The following SLC6A3 variants were observed in gnomAD, a reference collection of about 807,000 sequenced individuals.
SLC6A3 encodes sodium-dependent dopamine transporter.
SLC6A3 carries 19 observed loss-of-function variants against 70.4 expected under a neutral mutation model. The observed-to-expected ratio is 0.27, with a 90% CI of 0.19 to 0.40. The LOEUF (loss-of-function observed/expected upper bound fraction) is 0.40, where lower values mean the gene tolerates loss of function less well. SLC6A3 is among the 10% of genes least tolerant of loss of function. The pLI is 1.00. For synonymous variants in SLC6A3, 368 were observed against 356.6 expected (o/e 1.03, Z -0.36); for missense variants, 613 against 838.5 (o/e 0.73, Z 3.32).
Position 1,443,077 on chromosome 5 carries a change from G to A in SLC6A3, c.121C>T (p.Gln41Ter). 1 of 1,614,226 alleles carries A rather than the reference G, an allele frequency of 6.2e-7. No individual in the cohort carries two copies. Among genetic ancestry groups the A allele is most frequent in the Non-Finnish European group, 8.5e-7 (1 of 1,180,032 alleles). ...LILVKEQNGV[Q>*]LTSSTLTNPR... ...TTGGTGAGGGTGGAGCTGGTGAGCT[G>A]CACTCCGTTCTGCTCCTTGACAAGG... Residue 41 changes from glutamine (Q) to a stop codon, truncating the protein, a stop_gained, in exon 2 of 15, where the codon CAG becomes TAG. Transcript: ENST00000270349. LOFTEE classifies it high-confidence loss of function.
At position 1,432,422 on chromosome 5, in the gene SLC6A3, T is replaced by A. The variant is rs371080018; in HGVS notation, c.653+42A>T. ...AAGGGGCTACCATGGGGGACCTGGCTGCGCCATCTCTCCCGTTCCCGAGGA... is the reference window on the plus strand; with the variant it reads ...AAGGGGCTACCATGGGGGACCTGGCAGCGCCATCTCTCCCGTTCCCGAGGA... On this transcript the variant is annotated intron_variant, in intron 4 of 14. Transcript: ENST00000270349. The A allele has an allele frequency of 2.0e-6, 3 of 1,471,630 alleles. No individual in the cohort carries two copies. In the African/African-American group the frequency reaches 4.2e-5, roughly 20 times the overall value. The allele number at this position is 1,471,630 out of a possible 1,614,324, so 91.2% of individuals were successfully genotyped here. A position where few individuals can be genotyped will look rare whatever the true frequency, so the allele number is the denominator to read the frequency against.
At chr5:1,441,610 T>C (rs1324943097) in intron 2 of SLC6A3, 120 bp from the exon 3 acceptor site, 1 of 1,171,474 alleles carries the variant, frequency 8.5e-7, no homozygotes, top group African/African-American at 1.5e-5. Context: ...TTCACCCCAC[T>C]CTCCAACGGG....
At position 1,408,522 on chromosome 5, in the gene SLC6A3, T is replaced by A. The variant is rs932284293; in HGVS notation, c.1498+504A>T. Among the ~76,000 whole-genome samples, 6 of 152,176 alleles carry A rather than the reference T, an allele frequency of 3.9e-5. No homozygotes were observed. Among genetic ancestry groups the A allele is most frequent in the African/African-American group, 1.4e-4 (6 of 41,446 alleles). ...AGCCCTGGCTCCAGGCTGGGTTTTCTGTTGCTGTTTAAACCACTGGTGGAA... is the reference window on the plus strand; with the variant it reads ...AGCCCTGGCTCCAGGCTGGGTTTTCAGTTGCTGTTTAAACCACTGGTGGAA... On this transcript the variant is annotated intron_variant, in intron 11 of 14. Transcript: ENST00000270349. The surrounding 1 kb of genome is among the most constrained non-coding windows in gnomAD (Gnocchi z 6.4).
chr5:1,409,799 C>T lies in SLC6A3; in HGVS notation c.1320G>A (p.Leu440=), dbSNP rs1756070982. 21 of 1,613,324 alleles carry T rather than the reference C, an allele frequency of 1.3e-5. No individual in the cohort carries two copies. The highest frequency in any genetic ancestry group is 1.8e-5 in the Non-Finnish European group (21 of 1,179,978). Residue 440 remains leucine (L), a synonymous_variant, in exon 10 of 15, where the codon CTG becomes CTA. Transcript: ENST00000270349. ...TGAAGAGCTCACGGTGTCTGTGCAG[C>T]AGCTGGAACTCATCGATGAGCCCGG... ...VITGLIDEFQ[L]LHRHRELFTL...
intron 4 of SLC6A3, among the ~76,000 whole-genome samples, chr5:1,424,078 CT>C (rs1248248445): frequency 1.3e-5 from 2 of 152,254 alleles, no homozygotes; most frequent in African/African-American, 4.8e-5. Context: ...CCTGAAAGCG[CT>C]GGACAGTGCC....
Position 1,397,459 on chromosome 5 carries a change from CA to C in SLC6A3, c.1840-2702del, listed in dbSNP as rs761456091. Among the ~76,000 whole-genome samples the C allele has an allele frequency of 2.0e-5, 3 of 148,890 alleles. No individual in the cohort carries two copies. Among genetic ancestry groups the C allele is most frequent in the African/African-American group, 7.5e-5 (3 of 39,926 alleles). ...ACAAACAAACAAACAAACAAACAAA[CA>C]AAAAAGAAACCCAGGTCCCGACACT... On this transcript the variant is annotated intron_variant, in intron 14 of 14. Transcript: ENST00000270349. The surrounding 1 kb of genome is among the most constrained non-coding windows in gnomAD (Gnocchi z 4.7).
At position 1,425,823 on chromosome 5, in the gene SLC6A3, A is replaced by C. The variant is rs901915090; in HGVS notation, c.654-3809T>G. Among the ~76,000 whole-genome samples the C allele has an allele frequency of 3.3e-5, 5 of 152,324 alleles. No homozygotes were observed. In the East Asian group the frequency reaches 9.6e-4, roughly 29 times the overall value. On this transcript the variant is annotated intron_variant, in intron 4 of 14. Coordinates refer to ENST00000270349, the MANE Select transcript of SLC6A3 (RefSeq NM_001044.5). ...AACTCCTAAAACTCAACAACAAAAA[A>C]ACTGACAGCCCAATTCAAAAATGGG...
At chr5:1,416,253 G>C (rs1424955700) in intron 6 of SLC6A3, 52 bp from the exon 7 acceptor site, 1 of 1,390,436 alleles carries the variant, frequency 7.2e-7, no homozygotes, top group Non-Finnish European at 1.0e-6. Context: ...GCAGGCCACA[G>C]GCAAAGGACC....
At chr5:1,416,497 A>G in intron 6 of SLC6A3, 1 of 524,694 alleles carries the variant, frequency 1.9e-6, no homozygotes. Flanking sequence ...CCTGCTCCAT[A>G]GCCCTCAGAA....
At chr5:1,427,618 T>G (rs1311672795) in intron 4 of SLC6A3, among the ~76,000 whole-genome samples, 1 of 152,232 alleles carries the variant, frequency 6.6e-6, no homozygotes, top group Non-Finnish European at 1.5e-5. Flanking sequence ...AATAAATCCA[T>G]TTTATATATA....
chr5:1,406,128 G>T lies in SLC6A3; in HGVS notation c.1599+60C>A. ...CATGCGGGCGCTGGACCTCGGGGCA[G>T]GTGCCAGAGTGGGGGCAGTGGGCAG... On this transcript the variant is annotated intron_variant, in intron 12 of 14. Transcript: ENST00000270349. The surrounding 1 kb of genome is among the most constrained non-coding windows in gnomAD (Gnocchi z 8.8). 1 of 1,261,358 alleles carries T rather than the reference G, an allele frequency of 7.9e-7. No individual in the cohort carries two copies. The highest frequency in any genetic ancestry group is 1.2e-6 in the Non-Finnish European group (1 of 859,016). 78.1% of individuals were successfully genotyped at this position (1,261,358 alleles called of 1,614,324 possible).
At chr5:1,415,276 G>A (rs1340878820) in intron 7 of SLC6A3, among the ~76,000 whole-genome samples, 5 of 152,160 alleles carry the variant, frequency 3.3e-5, no homozygotes, top group African/African-American at 1.2e-4. Flanking sequence ...AAACCAGAGA[G>A]CTGGAGGCAA....
At position 1,405,525 on chromosome 5, in the gene SLC6A3, C is replaced by T. The variant is rs1023466107; in HGVS notation, c.1599+663G>A. ...TAGACTTGGACAGCTCTTAGGTTGC[C>T]TGCCCAGATCAGGCAGCACAGCTTT... is the stretch of plus-strand genomic sequence containing the variant. On this transcript the variant is annotated intron_variant, in intron 12 of 14. Transcript: ENST00000270349. This position sits in a 1 kb window ranked among gnomAD's most constrained non-coding sequence, Gnocchi z 5.3. Among the ~76,000 whole-genome samples the T allele has an allele frequency of 1.3e-5, 2 of 152,240 alleles. No homozygotes were observed. The highest frequency in any genetic ancestry group is 2.9e-5 in the Non-Finnish European group (2 of 68,050).
intron 1 of SLC6A3, 99 bp from the exon 2 acceptor site, chr5:1,443,341 T>A: frequency 1.1e-6 from 1 of 908,640 alleles, no homozygotes; most frequent in Non-Finnish European, 1.8e-6. Context: ...CCCCGAGGCA[T>A]TCACGGGCAT....
At chr5:1,441,225 G>C in intron 3 of SLC6A3, 134 bp downstream of exon 3, 1 of 1,040,092 alleles carries the variant, frequency 9.6e-7, no homozygotes. Context: ...CCAAGTTCAA[G>C]TGGCGTGTGC....
intron 6 of SLC6A3, among the ~76,000 whole-genome samples, chr5:1,417,193 A>G (rs1260049530): frequency 6.6e-6 from 1 of 151,838 alleles, no homozygotes; most frequent in Non-Finnish European, 1.5e-5. Context: ...GCTTCCTGAT[A>G]ACCCTCAGAA....
chr5:1,421,227 G>C lies in SLC6A3; in HGVS notation c.793-524C>G, dbSNP rs190866499. ...AGTTTTGCTCTTTTTGCCCAGGCTG[G>C]AGTGCAGTGGCATGATCTTGGCTCA... On this transcript the variant is annotated intron_variant, in intron 5 of 14. Transcript: ENST00000270349. The surrounding 1 kb of genome is among the most constrained non-coding windows in gnomAD (Gnocchi z 7.2). Among the ~76,000 whole-genome samples, 7 of 151,316 alleles carry C rather than the reference G, an allele frequency of 4.6e-5. No individual in the cohort carries two copies. Among genetic ancestry groups the C allele is most frequent in the African/African-American group, 1.7e-4 (7 of 41,146 alleles).
chr5:1,394,557 C>A lies in SLC6A3; in HGVS notation c.*178G>T. On this transcript the variant is annotated 3_prime_UTR_variant, in exon 15 of 15. Transcript: ENST00000270349. The surrounding 1 kb of genome is among the most constrained non-coding windows in gnomAD (Gnocchi z 4.7). ...CACAAGACACGGCGAGGTGCGCTCC[C>A]GGCACGGAAAGGTGTAAACAGTCAG... 1.4e-6 allele frequency: 1 copy of A among 728,520 alleles called. No homozygotes were observed. 45.1% of individuals were successfully genotyped at this position (728,520 alleles called of 1,614,324 possible).
At chr5:1,443,374 G>A (rs377160170) in intron 1 of SLC6A3, 132 bp from the exon 2 acceptor site, 14 of 738,580 alleles carry the variant, frequency 1.9e-5, no homozygotes, top group East Asian at 5.4e-5. Context: ...GGATGGGTGC[G>A]TTCTCAGCGC....
Sources: gnomAD v4.1 joint callset for allele counts (sites outside exome capture counted in the v4.1 genomes callset) on GRCh38, gnomAD v4.1.1 for gene constraint, Gnocchi (gnomAD v3.1) non-coding constraint, MANE v1.5 for transcripts, NCBI Gene and HGNC (gene_info 2026-07-23, HGNC 2026-07-21) for gene names.